Variants in BEAN1 observed in about 807,000 individuals in gnomAD.
BEAN1 encodes the protein brain expressed associated with NEDD4 1.
A neutral mutation model predicts 17.7 loss-of-function variants in BEAN1; 17 were observed. The ratio of observed to expected loss-of-function variants is 0.96; its 90% CI spans 0.66 to 1.44. The LOEUF (loss-of-function observed/expected upper bound fraction) is 1.44, where lower values mean the gene tolerates loss of function less well. Among genes scored for constraint, BEAN1 ranks in the 40% most tolerant of loss-of-function variants. The probability of loss-of-function intolerance (pLI) is 0.00; values close to 1 mark genes in which losing one functional copy is unlikely to be tolerated. For synonymous variants in BEAN1, 142 were observed against 151.8 expected, an observed-to-expected ratio of 0.94 and a Z score of 0.47; for missense variants, 359 against 374.1, an observed-to-expected ratio of 0.96 and a Z score of 0.33.
intron 2 of BEAN1, among the ~76,000 whole-genome samples, chr16:66,456,088 CTG>C (rs1184478875): frequency 6.6e-6 from 1 of 152,250 alleles, no homozygotes; most frequent in Non-Finnish European, 1.5e-5. Context: ...GGCTCAGTCA[CTG>C]TGGCCTAGGA....
intron 2 of BEAN1, among the ~76,000 whole-genome samples, chr16:66,463,742 C>T (rs1322579912): frequency 6.6e-6 from 1 of 152,156 alleles, no homozygotes; most frequent in Non-Finnish European, 1.5e-5. Flanking sequence ...ATGTTTTTAT[C>T]TAAGAGTTTT....
At chr16:66,464,539 T>C (rs1484914365) in intron 2 of BEAN1, among the ~76,000 whole-genome samples, 1 of 152,098 alleles carries the variant, frequency 6.6e-6, no homozygotes, top group Non-Finnish European at 1.5e-5. Flanking sequence ...AGACGGATTT[T>C]ACCATGTTGG....
At chr16:66,438,464 AT>A (rs1962119425) in intron 2 of BEAN1, among the ~76,000 whole-genome samples, 1 of 152,148 alleles carries the variant, frequency 6.6e-6, no homozygotes. Flanking sequence ...CCTCTCAAAC[AT>A]TAACCACAAA....
intron 2 of BEAN1, among the ~76,000 whole-genome samples, chr16:66,469,233 C>T (rs1011136771): frequency 2.0e-5 from 3 of 152,240 alleles, no homozygotes; most frequent in Non-Finnish European, 4.4e-5. Flanking sequence ...GACCTTTCAA[C>T]TTGTCTAGCT....
chr16:66,475,351 CAAG>C (rs1963694840), intron 3 of BEAN1, among the ~76,000 whole-genome samples: 1 of 152,174 alleles, frequency 6.6e-6, no homozygotes, highest in African/African-American at 2.4e-5. Context: ...AAAAGCAGCC[CAAG>C]AAGAAAGGGT....
intron 2 of BEAN1, among the ~76,000 whole-genome samples, chr16:66,459,238 A>G (rs1284075024): frequency 6.6e-6 from 1 of 151,916 alleles, no homozygotes; most frequent in Non-Finnish European, 1.5e-5. Flanking sequence ...TCTGTCCTCC[A>G]TCTGCAACCC....
At chr16:66,483,015 C>T (rs987655946), downstream of BEAN1, 3 of 397,744 alleles carry the variant, frequency 7.5e-6, no homozygotes, top group African/African-American at 6.4e-5. Flanking sequence ...CACCACCATA[C>T]CCAGCTAATT....
chr16:66,460,167 C>G (rs917595032), intron 2 of BEAN1, among the ~76,000 whole-genome samples: 2 of 152,306 alleles, frequency 1.3e-5, no homozygotes, highest in African/African-American at 4.8e-5. Context: ...TTCTCAGTCC[C>G]TGTGGAACCA....
At chr16:66,452,553 T>C (rs1230424719) in intron 2 of BEAN1, among the ~76,000 whole-genome samples, 2 of 152,210 alleles carry the variant, frequency 1.3e-5, no homozygotes, top group Non-Finnish European at 2.9e-5. Flanking sequence ...CCATCCAGTG[T>C]GACATTTACA....
At chr16:66,480,295 A>G (rs1963935989) in intron 4 of BEAN1, among the ~76,000 whole-genome samples, 1 of 152,110 alleles carries the variant, frequency 6.6e-6, no homozygotes, top group Non-Finnish European at 1.5e-5. Flanking sequence ...CTCCCTAGAC[A>G]GTGGCCACTG....
intron 4 of BEAN1, chr16:66,479,074 G>A (rs952636812): frequency 3.3e-5 from 5 of 152,240 alleles, no homozygotes; most frequent in African/African-American, 1.2e-4. Context: ...GTGGCTCTCA[G>A]GGGCTCCATT....
intron 2 of BEAN1, among the ~76,000 whole-genome samples, chr16:66,450,447 G>T (rs995918460): frequency 6.6e-5 from 10 of 152,200 alleles, no homozygotes; most frequent in Non-Finnish European, 1.5e-5. Flanking sequence ...TGGATGGGGT[G>T]GCTCATACCT....
chr16:66,486,288 G>A (rs1347217752), downstream of BEAN1, among the ~76,000 whole-genome samples: 1 of 151,738 alleles, frequency 6.6e-6, no homozygotes, highest in East Asian at 1.9e-4. Flanking sequence ...GAGTGCAGTG[G>A]TACGATCTCG....
intron 2 of BEAN1, among the ~76,000 whole-genome samples, chr16:66,461,031 G>C (rs1295368752): frequency 2.0e-5 from 3 of 152,048 alleles, no homozygotes; most frequent in African/African-American, 7.2e-5. Context: ...TGCTGGCATT[G>C]GGGGGGAGGT....
At chr16:66,461,686 G>T (rs1963093574) in intron 2 of BEAN1, among the ~76,000 whole-genome samples, 1 of 152,130 alleles carries the variant, frequency 6.6e-6, no homozygotes, top group African/African-American at 2.4e-5. Context: ...GGGTCATGGG[G>T]GATCATGGGG....
At chr16:66,446,347 C>A (rs1372121741) in intron 2 of BEAN1, among the ~76,000 whole-genome samples, 1 of 151,820 alleles carries the variant, frequency 6.6e-6, no homozygotes, top group Non-Finnish European at 1.5e-5. Context: ...AGGAAGGGGT[C>A]AAAAAGGACA....
At chr16:66,444,171 C>T (rs1224020169) in intron 2 of BEAN1, among the ~76,000 whole-genome samples, 4 of 152,196 alleles carry the variant, frequency 2.6e-5, no homozygotes, top group Non-Finnish European at 2.9e-5. Flanking sequence ...TGCCTGATAG[C>T]GGCTGGGTGG....
chr16:66,480,043 G>A (rs1050486693), intron 4 of BEAN1, among the ~76,000 whole-genome samples: 5 of 152,156 alleles, frequency 3.3e-5, no homozygotes, highest in Admixed American at 6.5e-5. Context: ...TGAATGGCCC[G>A]TGTCCTCCTC....
At chr16:66,429,863 G>C (rs1961730156) in intron 1 of BEAN1, among the ~76,000 whole-genome samples, 1 of 152,220 alleles carries the variant, frequency 6.6e-6, no homozygotes, top group Non-Finnish European at 1.5e-5. Context: ...GAATGTGACG[G>C]GGATGCAGGC....
Sources: allele counts gnomAD v4.1 joint callset (sites outside exome capture counted in the v4.1 genomes callset), GRCh38; gene constraint gnomAD v4.1.1; transcripts MANE v1.5; gene names NCBI Gene and HGNC (gene_info 2026-07-23, HGNC 2026-07-21).